Variants in TXNL4A observed in about 807,000 individuals in gnomAD.
The protein encoded by TXNL4A is thioredoxin-like protein 4A.
In TXNL4A, 17 loss-of-function variants were observed where a neutral mutation model predicts 14.6. The ratio of observed to expected loss-of-function variants is 1.16; its 90% CI spans 0.80 to 1.74. TXNL4A has a LOEUF of 1.74. Ranked by LOEUF, TXNL4A falls within the 40% of genes most tolerant of loss-of-function variation. The pLI is 0.00. For synonymous variants in TXNL4A, 83 were observed against 70.6 expected, an observed-to-expected ratio of 1.18 and a Z score of -0.88; for missense variants, 74 against 195.2, an observed-to-expected ratio of 0.38 and a Z score of 3.70.
chr18:79,992,902 T>G (rs1163082805), upstream of TXNL4A, among the ~76,000 whole-genome samples: 5 of 52,846 alleles, frequency 9.5e-5, no homozygotes, highest in Non-Finnish European at 1.9e-4. Context: ...AAAAAAAAAA[T>G]GCAGATTCAC....
chr18:79,987,810 G>A (rs998844754), intron 1 of TXNL4A, among the ~76,000 whole-genome samples: 43 of 152,136 alleles, frequency 2.8e-4, no homozygotes, highest in African/African-American at 9.7e-4. Flanking sequence ...AGAAAAGCAG[G>A]ATTTCTCATG....
Position 80,010,465 on chromosome 18 carries a change from T to C in TXNL4A, c.-61+23386A>G, listed in dbSNP as rs148860382. Among the ~76,000 whole-genome samples the C allele has an allele frequency of 5.9e-5, 9 of 152,142 alleles. 1 individual carries two copies. In the East Asian group the frequency reaches 1.7e-3, roughly 29 times the overall value. Reference sequence around the variant, plus strand: ...ACCTATTAGGAGCTGAAGTGACAGCTTGGCCTGGGACCAACCAGAGGCTGA... The same window carrying C: ...ACCTATTAGGAGCTGAAGTGACAGCCTGGCCTGGGACCAACCAGAGGCTGA... On this transcript the variant is annotated intron_variant, in intron 1 of 2. Coordinates refer to the TXNL4A transcript ENST00000585474.
chr18:80,028,164 ATC>A (rs2051897228), intron 1 of TXNL4A, among the ~76,000 whole-genome samples: 2 of 149,670 alleles, frequency 1.3e-5, no homozygotes, highest in Admixed American at 1.3e-4. Context: ...AAACATGGTG[ATC>A]ATCAGAGGCC....
intron 1 of TXNL4A, among the ~76,000 whole-genome samples, chr18:80,029,464 G>T (rs2051907106): frequency 6.6e-6 from 1 of 152,116 alleles, no homozygotes; most frequent in African/African-American, 2.4e-5. Context: ...TTCCCTGCAG[G>T]CAAGCCACAG....
upstream of TXNL4A, among the ~76,000 whole-genome samples, chr18:79,990,483 A>G (rs1221887741): frequency 6.6e-6 from 1 of 152,194 alleles, no homozygotes; most frequent in Admixed American, 6.5e-5. Context: ...AATCTCCTGT[A>G]CTTCATTGGC....
intron 1 of TXNL4A, among the ~76,000 whole-genome samples, chr18:80,031,272 T>C (rs754155930): frequency 6.6e-6 from 1 of 152,218 alleles, no homozygotes; most frequent in Non-Finnish European, 1.5e-5. Flanking sequence ...ACCTGGAGAA[T>C]GTTGTGACCA....
chr18:79,973,582 C>G lies in TXNL4A; in HGVS notation c.*103G>C. ...TTATCAATTCCATCTCAGAGGTGCTCCAGCCCTGGAGCTTCCTGTATTTTC... is the reference window on the plus strand; with the variant it reads ...TTATCAATTCCATCTCAGAGGTGCTGCAGCCCTGGAGCTTCCTGTATTTTC... On this transcript the variant is annotated 3_prime_UTR_variant, in exon 3 of 3. Coordinates refer to ENST00000269601, the MANE Select transcript of TXNL4A (RefSeq NM_006701.5). 6.9e-7 allele frequency: 1 copy of G among 1,453,672 alleles called. No individual in the cohort carries two copies. The highest frequency in any genetic ancestry group is 9.2e-7 in the Non-Finnish European group (1 of 1,087,934). 90.0% of individuals were successfully genotyped at this position (1,453,672 alleles called of 1,614,324 possible).
At chr18:80,005,135 C>A (rs530437532) in intron 1 of TXNL4A, among the ~76,000 whole-genome samples, 1 of 152,206 alleles carries the variant, frequency 6.6e-6, no homozygotes, top group Admixed American at 6.5e-5. Flanking sequence ...ACGAGAGTCT[C>A]GTGAGATTGT....
chr18:80,017,026 C>T (rs1243924689), intron 1 of TXNL4A, among the ~76,000 whole-genome samples: 2 of 151,034 alleles, frequency 1.3e-5, no homozygotes, highest in African/African-American at 2.4e-5. Context: ...TTTGTATCCT[C>T]TTTTATTTCA....
At position 79,988,487 on chromosome 18, in the gene TXNL4A, C is replaced by G; in HGVS notation, c.-95G>C. On this transcript the variant is annotated 5_prime_UTR_variant, in exon 1 of 3. Coordinates refer to ENST00000269601, the MANE Select transcript of TXNL4A (RefSeq NM_006701.5). ...GCCCCTCACTCCCCGGCCCCCGCCG[C>G]CCCCGGGCCCACGGACGAAATCCGG... is the stretch of plus-strand genomic sequence containing the variant. 8.2e-7 allele frequency: 1 copy of G among 1,217,180 alleles called. No homozygotes were observed. The highest frequency in any genetic ancestry group is 1.0e-6 in the Non-Finnish European group (1 of 966,746). The allele number at this position is 1,217,180 out of a possible 1,614,324, so 75.4% of individuals were successfully genotyped here. A position where few individuals can be genotyped will look rare whatever the true frequency, so the allele number is the denominator to read the frequency against.
intron 1 of TXNL4A, among the ~76,000 whole-genome samples, chr18:80,000,169 G>T (rs910196477): frequency 1.3e-5 from 2 of 152,184 alleles, no homozygotes; most frequent in Non-Finnish European, 2.9e-5. Flanking sequence ...CTGGGTAACA[G>T]GTAGAGGTCG....
intron 1 of TXNL4A, among the ~76,000 whole-genome samples, chr18:79,988,009 T>C (rs771556206): frequency 1.1e-4 from 17 of 150,686 alleles, no homozygotes; most frequent in Admixed American, 2.6e-4. Flanking sequence ...AGGGGGATCA[T>C]AAACCCTTTA....
Position 80,015,355 on chromosome 18 carries a change from A to AATTATT in TXNL4A, c.-61+18490_-61+18495dup, listed in dbSNP as rs60860228. On this transcript the variant is annotated intron_variant, in intron 1 of 2. Coordinates refer to the TXNL4A transcript ENST00000585474. ...TTTAAAACAAAATGCTTTTTTAAAA[A>AATTATT]ATTATTATTATTATTATTATTATAC... Among the ~76,000 whole-genome samples the AATTATT allele has an allele frequency of 1.3e-3, 187 of 148,492 alleles. 1 individual carries two copies. Among genetic ancestry groups the AATTATT allele is most frequent in the South Asian group, 2.4e-3 (11 of 4,662 alleles).
rs550464447 is a variant in TXNL4A at position 79,993,902 on chromosome 18, C to G, written c.-60-16201G>C. Among the ~76,000 whole-genome samples the G allele has an allele frequency of 6.6e-6, 1 of 152,228 alleles. No homozygotes were observed. Among genetic ancestry groups the G allele is most frequent in the Non-Finnish European group, 1.5e-5 (1 of 68,032 alleles). ...AGCTGACCCTTCCCACACCTGGAGC[C>G]CCTGACACACTTTACCAGGTAGCCG... On this transcript the variant is annotated intron_variant, in intron 1 of 2. Coordinates refer to the TXNL4A transcript ENST00000585474. The surrounding 1 kb of genome is among the most constrained non-coding windows in gnomAD (Gnocchi z 4.4).
intron 1 of TXNL4A, among the ~76,000 whole-genome samples, chr18:80,009,857 C>T (rs962243308): frequency 1.3e-5 from 2 of 152,140 alleles, no homozygotes; most frequent in Non-Finnish European, 2.9e-5. Flanking sequence ...TGAAATTGTA[C>T]GCAGGCTCAC....
intron 1 of TXNL4A, among the ~76,000 whole-genome samples, chr18:80,017,439 C>T (rs1330591190): frequency 2.0e-5 from 3 of 151,626 alleles, no homozygotes; most frequent in African/African-American, 7.3e-5. Context: ...CTGTCTTGTG[C>T]CAATTTTCAA....
At chr18:80,018,063 G>A (rs565435020) in intron 1 of TXNL4A, among the ~76,000 whole-genome samples, 1 of 152,064 alleles carries the variant, frequency 6.6e-6, no homozygotes, top group Admixed American at 6.6e-5. Context: ...TCTATTCAGA[G>A]ATTCAACTTC....
chr18:79,998,623 T>G (rs1053926741), intron 1 of TXNL4A, among the ~76,000 whole-genome samples: 2 of 149,282 alleles, frequency 1.3e-5, no homozygotes, highest in African/African-American at 5.0e-5. Context: ...GTGAGAGCAG[T>G]AGCAACCATG....
intron 1 of TXNL4A, among the ~76,000 whole-genome samples, chr18:80,006,156 C>A (rs1466840814): frequency 6.6e-6 from 1 of 151,864 alleles, no homozygotes; most frequent in African/African-American, 2.4e-5. Flanking sequence ...GAGGCTAAGG[C>A]GGGCGGATCA....
Sources: gnomAD v4.1 joint callset for allele counts (sites outside exome capture counted in the v4.1 genomes callset) on GRCh38, gnomAD v4.1.1 for gene constraint, Gnocchi (gnomAD v3.1) non-coding constraint, MANE v1.5 for transcripts, NCBI Gene and HGNC (gene_info 2026-07-23, HGNC 2026-07-21) for gene names.